Variants in SLC24A3 observed in about 807,000 individuals in gnomAD.
SLC24A3 encodes sodium/potassium/calcium exchanger 3.
A neutral mutation model predicts 75.8 loss-of-function variants in SLC24A3; 28 were observed. That is an observed-to-expected ratio of 0.37 (90% CI 0.27 to 0.51). The LOEUF is 0.51. SLC24A3 is among the 20% of genes least tolerant of loss of function. The probability of loss-of-function intolerance (pLI) is 0.94; values close to 1 mark genes in which losing one functional copy is unlikely to be tolerated. For synonymous variants in SLC24A3, 372 were observed against 334.1 expected, an observed-to-expected ratio of 1.11 and a Z score of -1.24; for missense variants, 663 against 847.8, an observed-to-expected ratio of 0.78 and a Z score of 2.71.
chr20:19,449,259 G>A (rs1409930861), intron 2 of SLC24A3, among the ~76,000 whole-genome samples: 1 of 152,220 alleles, frequency 6.6e-6, no homozygotes, highest in Non-Finnish European at 1.5e-5. Flanking sequence ...CCCAGGGACT[G>A]AGCAGCTTTG....
At chr20:19,270,810 AAGAG>A (rs962876068) in intron 1 of SLC24A3, among the ~76,000 whole-genome samples, 11 of 151,268 alleles carry the variant, frequency 7.3e-5, no homozygotes, top group African/African-American at 9.7e-5. Context: ...GGGTGGAAGA[AAGAG>A]AGAGAGAGAG....
At chr20:19,651,589 G>T (rs981187912) in intron 6 of SLC24A3, among the ~76,000 whole-genome samples, 1 of 151,950 alleles carries the variant, frequency 6.6e-6, no homozygotes, top group Admixed American at 6.6e-5. Context: ...GCCAGGCGCC[G>T]TGGCTCACGC....
intron 6 of SLC24A3, among the ~76,000 whole-genome samples, chr20:19,631,924 T>C (rs1477735067): frequency 1.3e-5 from 2 of 152,018 alleles, no homozygotes; most frequent in Non-Finnish European, 2.9e-5. Flanking sequence ...TGTGGGACCT[T>C]GGGTAAGTCT....
At chr20:19,561,032 T>C (rs577969790) in intron 3 of SLC24A3, among the ~76,000 whole-genome samples, 17 of 152,202 alleles carry the variant, frequency 1.1e-4, no homozygotes, top group Admixed American at 4.6e-4. Flanking sequence ...CTCACTGTGG[T>C]AGCATCTTGA....
intron 3 of SLC24A3, among the ~76,000 whole-genome samples, chr20:19,556,740 C>T (rs2030793080): frequency 6.6e-6 from 1 of 152,092 alleles, no homozygotes; most frequent in African/African-American, 2.4e-5. Context: ...GGTATTTTCT[C>T]TCTTAATGCA....
At position 19,273,873 on chromosome 20, in the gene SLC24A3, G is replaced by A. The variant is rs1290111941; in HGVS notation, c.143-7086G>A. On this transcript the variant is annotated intron_variant, in intron 1 of 16. Coordinates refer to ENST00000328041, the MANE Select transcript of SLC24A3 (RefSeq NM_020689.4). ...CCTCTAATGTCCCCAACTCAGCAACGACAATCACAGGCATCACCTCTTAAC... is the reference window on the plus strand; with the variant it reads ...CCTCTAATGTCCCCAACTCAGCAACAACAATCACAGGCATCACCTCTTAAC... Among the ~76,000 whole-genome samples, 4 of 151,174 alleles carry A rather than the reference G, an allele frequency of 2.6e-5. No homozygotes were observed. In the South Asian group the frequency reaches 6.3e-4, roughly 24 times the overall value.
At chr20:19,662,304 C>G (rs553938108) in intron 7 of SLC24A3, among the ~76,000 whole-genome samples, 1 of 152,290 alleles carries the variant, frequency 6.6e-6, no homozygotes, top group East Asian at 1.9e-4. Flanking sequence ...TGAGTCAGTT[C>G]CAAAGCCCAC....
At chr20:19,275,868 A>AC (rs1476641699) in intron 1 of SLC24A3, among the ~76,000 whole-genome samples, 2 of 152,020 alleles carry the variant, frequency 1.3e-5, no homozygotes, top group East Asian at 1.9e-4. Flanking sequence ...GACTGCCTCC[A>AC]CCCGTGACAT....
intron 3 of SLC24A3, among the ~76,000 whole-genome samples, chr20:19,557,415 A>G (rs190884884): frequency 7.5e-4 from 114 of 152,288 alleles, no homozygotes; most frequent in Non-Finnish European, 1.3e-3. Context: ...AGAAAATGCT[A>G]CAAATCAAGG....
chr20:19,478,640 A>C (rs975640305), intron 2 of SLC24A3, among the ~76,000 whole-genome samples: 3 of 152,082 alleles, frequency 2.0e-5, no homozygotes, highest in African/African-American at 7.2e-5. Flanking sequence ...AAGGGTGAGC[A>C]TTTCCACCAA....
chr20:19,410,063 G>A (rs921864509), intron 2 of SLC24A3, among the ~76,000 whole-genome samples: 7 of 151,996 alleles, frequency 4.6e-5, no homozygotes, highest in African/African-American at 1.4e-4. Context: ...GAATTCAGAC[G>A]AAATTCATCG....
chr20:19,445,075 C>A (rs1987357748), intron 2 of SLC24A3, among the ~76,000 whole-genome samples: 1 of 152,132 alleles, frequency 6.6e-6, no homozygotes, highest in African/African-American at 2.4e-5. Flanking sequence ...TCTGTATAAC[C>A]ACCAACCAGA....
At chr20:19,639,231 G>A (rs145154939) in intron 6 of SLC24A3, among the ~76,000 whole-genome samples, 97 of 152,318 alleles carry the variant, frequency 6.4e-4, no homozygotes, top group African/African-American at 2.3e-3. Flanking sequence ...AGAGTAGCTA[G>A]ATACAGAGTG....
chr20:19,443,557 TTTG>T (rs915823656), intron 2 of SLC24A3, among the ~76,000 whole-genome samples: 2 of 152,020 alleles, frequency 1.3e-5, no homozygotes, highest in African/African-American at 2.4e-5. Flanking sequence ...CTTTCAGGAG[TTTG>T]TTGTTGTTGT....
At chr20:19,582,951 G>A (rs1290383033) in intron 4 of SLC24A3, among the ~76,000 whole-genome samples, 2 of 152,174 alleles carry the variant, frequency 1.3e-5, no homozygotes, top group African/African-American at 4.8e-5. Flanking sequence ...TTCCAGGACA[G>A]CAGTGGGACA....
At chr20:19,254,683 C>T (rs1392698293) in intron 1 of SLC24A3, among the ~76,000 whole-genome samples, 2 of 152,180 alleles carry the variant, frequency 1.3e-5, no homozygotes, top group African/African-American at 4.8e-5. Context: ...CACACATGTT[C>T]CCTGGAGCTA....
chr20:19,600,819 TG>T (rs1239139686), intron 6 of SLC24A3, among the ~76,000 whole-genome samples: 1 of 152,094 alleles, frequency 6.6e-6, no homozygotes, highest in East Asian at 1.9e-4. Flanking sequence ...CCACCACACC[TG>T]GCTAATTTTT....
chr20:19,576,999 A>G (rs997399830), intron 3 of SLC24A3, among the ~76,000 whole-genome samples: 4 of 151,926 alleles, frequency 2.6e-5, no homozygotes, highest in African/African-American at 9.7e-5. Context: ...TTGGGAATGT[A>G]TTTTCTGATT....
At chr20:19,556,273 C>G (rs1391604888) in intron 3 of SLC24A3, among the ~76,000 whole-genome samples, 2 of 152,236 alleles carry the variant, frequency 1.3e-5, no homozygotes, top group South Asian at 4.2e-4. Flanking sequence ...TTTCTCATCT[C>G]CTTCTCTATG....
Sources: gnomAD v4.1 joint callset for allele counts (sites outside exome capture counted in the v4.1 genomes callset) on GRCh38, gnomAD v4.1.1 for gene constraint, MANE v1.5 for transcripts, NCBI Gene and HGNC (gene_info 2026-07-23, HGNC 2026-07-21) for gene names.